The following NUP210 variants were observed in gnomAD, a reference collection of about 807,000 sequenced individuals.
NUP210 encodes nucleoporin 210, also known as nuclear pore membrane glycoprotein 210.
In NUP210, 151 loss-of-function variants were observed where a neutral mutation model predicts 196.0. The ratio of observed to expected loss-of-function variants is 0.77; its 90% CI spans 0.67 to 0.88. NUP210 has a LOEUF of 0.88. Ranked by LOEUF, NUP210 falls within the 40% of genes least tolerant of loss-of-function variation. The probability of loss-of-function intolerance (pLI) is 0.00; values close to 1 mark genes in which losing one functional copy is unlikely to be tolerated. For missense variants in NUP210, 2,314 were observed against 2,493.7 expected, an observed-to-expected ratio of 0.93 and a Z score of 1.53; for synonymous variants, 1,070 against 1,052.7, an observed-to-expected ratio of 1.02 and a Z score of -0.32.
Position 13,376,382 on chromosome 3 carries a change from G to T in NUP210, c.1202C>A (p.Ser401Ter). The T allele has an allele frequency of 6.2e-7, 1 of 1,614,218 alleles. No individual in the cohort carries two copies. The highest frequency in any genetic ancestry group is 1.6e-4 in the Middle Eastern group (1 of 6,062). ...ATGGTATGACCCATTCTGGGAGGAC[G>T]AGAGCACCTCGAAGAACTCAGCAGG... ...VLPAEFFEVL[S>*]SSQNGSYHRI... Residue 401 changes from serine (S) to a stop codon, truncating the protein, a stop_gained, in exon 10 of 40, where the codon TCG (serine) becomes TAG (stop). Coordinates refer to ENST00000254508, the MANE Select transcript of NUP210 (RefSeq NM_024923.4). LOFTEE classifies it high-confidence loss of function.
At chr3:13,376,522 C>G (rs568014859) in intron 9 of NUP210, 91 bp from the exon 10 acceptor site, 245 of 1,502,010 alleles carry the variant, frequency 1.6e-4, no homozygotes, top group Non-Finnish European at 1.4e-4. Flanking sequence ...CTGAAACCAG[C>G]AGCCAGGCCA....
intron 5 of NUP210, 89 bp from the exon 6 acceptor site, chr3:13,386,496 A>T: frequency 6.0e-6 from 9 of 1,496,458 alleles, no homozygotes; most frequent in Non-Finnish European, 8.2e-6. Context: ...TGTTTTAAAC[A>T]TGGGAATAGG....
chr3:13,397,352 C>T lies in NUP210; in HGVS notation c.436+5G>A. The T allele has an allele frequency of 6.2e-7, 1 of 1,608,694 alleles. No individual in the cohort carries two copies. Among genetic ancestry groups the T allele is most frequent in the Non-Finnish European group, 8.5e-7 (1 of 1,178,176 alleles). On this transcript the variant is annotated splice_donor_5th_base_variant and intron_variant, in intron 3 of 39. Transcript: ENST00000254508. ...AGAAGACAAACAGGCAGGGGACGTTCTCACCTTCGGAGTCCAGGGCCTGGA... is the reference window on the plus strand; with the variant it reads ...AGAAGACAAACAGGCAGGGGACGTTTTCACCTTCGGAGTCCAGGGCCTGGA...
Position 13,379,130 on chromosome 3 carries a change from C to G in NUP210, c.977-150G>C. ...CTCCCCTGGCTTAGGCCACGTAGAGCAAAGGCACTTTTCAGAATCAAAGGC... is the reference window on the plus strand; with the variant it reads ...CTCCCCTGGCTTAGGCCACGTAGAGGAAAGGCACTTTTCAGAATCAAAGGC... On this transcript the variant is annotated intron_variant, in intron 7 of 39. Transcript: ENST00000254508. This position sits in a 1 kb window ranked among gnomAD's most constrained non-coding sequence, Gnocchi z 4.2. The G allele has an allele frequency of 2.9e-6, 2 of 690,838 alleles. No homozygotes were observed. Among genetic ancestry groups the G allele is most frequent in the Non-Finnish European group, 5.2e-6 (2 of 385,284 alleles). The allele number at this position is 690,838 out of a possible 1,614,324, so 42.8% of individuals were successfully genotyped here.
intron 1 of NUP210, among the ~76,000 whole-genome samples, chr3:13,403,635 T>C (rs1013666638): frequency 1.3e-4 from 20 of 152,154 alleles, no homozygotes; most frequent in Non-Finnish European, 2.6e-4. Flanking sequence ...GGCTCTCATG[T>C]CCTGGGGTCT....
In NUP210 at chr3:13,340,198, A is replaced by G. The variant is rs770825660; in HGVS notation, c.3291+38T>C. 1.2e-6 allele frequency: 2 copies of G among 1,611,512 alleles called. No individual in the cohort carries two copies. Among genetic ancestry groups the G allele is most frequent in the East Asian group, 2.2e-5 (1 of 44,870 alleles). On this transcript the variant is annotated intron_variant, in intron 24 of 39. Coordinates refer to ENST00000254508, the MANE Select transcript of NUP210 (RefSeq NM_024923.4). The surrounding 1 kb of genome is among the most constrained non-coding windows in gnomAD (Gnocchi z 4.0). ...TGCCTGGAACCAGGTGGTGGCCTGC[A>G]CTGGGGCTGGAGCAGGACGTGGCCT...
intron 3 of NUP210, among the ~76,000 whole-genome samples, chr3:13,394,287 T>C (rs1343674630): frequency 6.6e-6 from 1 of 152,240 alleles, no homozygotes. Context: ...AGTCCAGTTC[T>C]GCTGATGCAA....
intron 1 of NUP210, among the ~76,000 whole-genome samples, chr3:13,407,330 A>T (rs1327921582): frequency 1.3e-5 from 2 of 152,156 alleles, no homozygotes; most frequent in Admixed American, 1.3e-4. Flanking sequence ...TGAGCCCAGG[A>T]GTTCAAGGCA....
At position 13,341,740 on chromosome 3, in the gene NUP210, C is replaced by T. The variant is rs528301509; in HGVS notation, c.3228+8G>A. The T allele has an allele frequency of 1.5e-5, 25 of 1,613,978 alleles. No homozygotes were observed. Among genetic ancestry groups the T allele is most frequent in the East Asian group, 2.2e-5 (1 of 44,902 alleles). On this transcript the variant is annotated splice_region_variant and intron_variant, in intron 23 of 39. Coordinates refer to ENST00000254508, the MANE Select transcript of NUP210 (RefSeq NM_024923.4). ...GATCCCACATGGTGTGGGAAGAACT[C>T]GTCTTACTTCAATCTGTTGTGGGGC... is the stretch of plus-strand genomic sequence containing the variant.
At position 13,348,301 on chromosome 3, in the gene NUP210, T is replaced by A. The variant is rs1477431637; in HGVS notation, c.2835+3578A>T. The A allele has an allele frequency of 1.2e-6, 1 of 840,070 alleles. No individual in the cohort carries two copies. Among genetic ancestry groups the A allele is most frequent in the East Asian group, 1.2e-4 (1 of 8,144 alleles). The allele number at this position is 840,070 out of a possible 1,614,324, so 52.0% of individuals were successfully genotyped here. On this transcript the variant is annotated intron_variant, in intron 20 of 39. Transcript: ENST00000254508. This position sits in a 1 kb window ranked among gnomAD's most constrained non-coding sequence, Gnocchi z 4.0. ...CTCCAGAGACAGGGAGCTCACTACC[T>A]ACAGCGGCAGCCTAGTCCATCACCG... is the stretch of plus-strand genomic sequence containing the variant.
At chr3:13,376,206 C>T in intron 10 of NUP210, 85 bp downstream of exon 10, 1 of 1,453,614 alleles carries the variant, frequency 6.9e-7, no homozygotes, top group Non-Finnish European at 9.5e-7. Flanking sequence ...CTCCCTGGGA[C>T]TCATGGCCCT....
At chr3:13,357,116 C>A (rs1325266775) in intron 16 of NUP210, among the ~76,000 whole-genome samples, 3 of 152,250 alleles carry the variant, frequency 2.0e-5, no homozygotes, top group Non-Finnish European at 2.9e-5. Flanking sequence ...CTTCTCCACC[C>A]ACGAGTCTGC....
At chr3:13,376,530 C>A (rs1698916484) in intron 9 of NUP210, 99 bp from the exon 10 acceptor site, 2 of 1,458,520 alleles carry the variant, frequency 1.4e-6, no homozygotes, top group Non-Finnish European at 1.9e-6. Context: ...AGCAGCCAGG[C>A]CAGGCCAAGG....
Position 13,321,667 on chromosome 3 carries a change from T to G in NUP210, c.5084A>C (p.Gln1695Pro). Residue 1695 changes from glutamine (Q) to proline (P), a missense_variant, in exon 36 of 40, where the codon CAG (glutamine) becomes CCG (proline). Transcript: ENST00000254508. Reference protein sequence around the residue: ...VPFSPGLFADQAEILLSNHYT... With the variant: ...VPFSPGLFADPAEILLSNHYT... Reference sequence around the variant, plus strand: ...GTGGTTGCTCAAAAGGATTTCAGCCTGGTCGGCGAAGAGACCTGGGCTGAA... The same window carrying G: ...GTGGTTGCTCAAAAGGATTTCAGCCGGGTCGGCGAAGAGACCTGGGCTGAA... The G allele has an allele frequency of 6.2e-7, 1 of 1,614,160 alleles. No homozygotes were observed. The highest frequency in any genetic ancestry group is 8.5e-7 in the Non-Finnish European group (1 of 1,180,034).
chr3:13,413,135 C>A (rs1231697994), intron 1 of NUP210, among the ~76,000 whole-genome samples: 1 of 151,510 alleles, frequency 6.6e-6, no homozygotes, highest in African/African-American at 2.4e-5. Context: ...CGTGTTGGCA[C>A]ATGCCGGTAG....
Position 13,375,435 on chromosome 3 carries a change from A to G in NUP210, c.1431+69T>C, listed in dbSNP as rs1698867424. On this transcript the variant is annotated intron_variant, in intron 11 of 39. Transcript: ENST00000254508. Reference sequence around the variant, plus strand: ...AGAGAGTAATACTAAAAGTAATAGAATGGACAAAAAGCCACAATCCCATGA... The same window carrying G: ...AGAGAGTAATACTAAAAGTAATAGAGTGGACAAAAAGCCACAATCCCATGA... 4.1e-6 allele frequency: 6 copies of G among 1,459,246 alleles called. No individual in the cohort carries two copies. In the Admixed American group the frequency reaches 9.4e-5, roughly 23 times the overall value. 90.4% of individuals were successfully genotyped at this position (1,459,246 alleles called of 1,614,324 possible).
intron 28 of NUP210, 124 bp downstream of exon 28, chr3:13,335,330 C>T: frequency 2.6e-6 from 3 of 1,148,480 alleles, no homozygotes; most frequent in Admixed American, 4.0e-5. Flanking sequence ...CACTGTCATC[C>T]CCACGGACTG....
chr3:13,393,025 C>A lies in NUP210; in HGVS notation c.437-1718G>T, dbSNP rs541354574. Among the ~76,000 whole-genome samples, 8 of 152,354 alleles carry A rather than the reference C, an allele frequency of 5.3e-5. No homozygotes were observed. The South Asian group carries it at 1.7e-3, about 32-fold the overall frequency. ...CCCAGTAACCAGAAACGCAAGACTGCAGACCACTAGGCAGGCCACTCCCTT... is the reference window on the plus strand; with the variant it reads ...CCCAGTAACCAGAAACGCAAGACTGAAGACCACTAGGCAGGCCACTCCCTT... On this transcript the variant is annotated intron_variant, in intron 3 of 39. Coordinates refer to ENST00000254508, the MANE Select transcript of NUP210 (RefSeq NM_024923.4).
At chr3:13,372,169 G>C (rs980269607) in intron 12 of NUP210, 137 bp from the exon 13 acceptor site, 5 of 826,558 alleles carry the variant, frequency 6.0e-6, no homozygotes, top group Admixed American at 2.9e-5. Flanking sequence ...GCAGTGGGGT[G>C]ATTCAGGGAC....
Sources: gnomAD v4.1 joint callset for allele counts (sites outside exome capture counted in the v4.1 genomes callset) on GRCh38, gnomAD v4.1.1 for gene constraint, Gnocchi (gnomAD v3.1) non-coding constraint, MANE v1.5 for transcripts, NCBI Gene and HGNC (gene_info 2026-07-23, HGNC 2026-07-21) for gene names.